The following PDE4D variants were observed in gnomAD, a reference collection of about 807,000 sequenced individuals.
PDE4D encodes the protein 3',5'-cyclic-AMP phosphodiesterase 4D.
PDE4D carries 24 observed loss-of-function variants against 87.4 expected under a neutral mutation model. The ratio of observed to expected loss-of-function variants is 0.27; its 90% CI spans 0.20 to 0.39. PDE4D has a LOEUF of 0.39. PDE4D is among the 10% of genes least tolerant of loss of function. The pLI, the probability that PDE4D is intolerant of heterozygous loss-of-function variation, is 1.00. For synonymous variants in PDE4D, 384 were observed against 383.2 expected (o/e 1.00, Z -0.02); for missense variants, 714 against 1,041.0 (o/e 0.69, Z 4.32).
intron 1 of PDE4D, among the ~76,000 whole-genome samples, chr5:59,653,580 G>C (rs1743880866): frequency 6.6e-6 from 1 of 152,124 alleles, no homozygotes; most frequent in African/African-American, 2.4e-5. Context: ...TAGGACTGGA[G>C]ATTCAGTGAC....
At chr5:59,624,746 T>A (rs1285236353) in intron 1 of PDE4D, among the ~76,000 whole-genome samples, 3 of 152,260 alleles carry the variant, frequency 2.0e-5, no homozygotes, top group African/African-American at 7.2e-5. Context: ...GGTAGAACTC[T>A]TAGCATTCCT....
chr5:60,027,828 T>C (rs1439568562), intron 2 of PDE4D, among the ~76,000 whole-genome samples: 1 of 152,236 alleles, frequency 6.6e-6, no homozygotes, highest in Non-Finnish European at 1.5e-5. Flanking sequence ...CTATCCATAT[T>C]TTTAAAGCAA....
At chr5:59,741,160 G>A (rs193067157) in intron 1 of PDE4D, among the ~76,000 whole-genome samples, 1 of 152,200 alleles carries the variant, frequency 6.6e-6, no homozygotes, top group East Asian at 1.9e-4. Context: ...AAAGACTACT[G>A]AACTACATCA....
At chr5:59,498,968 T>C (rs1443114134) in intron 1 of PDE4D, among the ~76,000 whole-genome samples, 1 of 152,124 alleles carries the variant, frequency 6.6e-6, no homozygotes, top group Admixed American at 6.5e-5. Context: ...CTACAGAATA[T>C]GCATTCTTCT....
At chr5:60,282,092 A>C (rs1246850709) in intron 1 of PDE4D, among the ~76,000 whole-genome samples, 1 of 151,840 alleles carries the variant, frequency 6.6e-6, no homozygotes. Context: ...ACATTACTCA[A>C]CATATAAAAC....
intron 1 of PDE4D, among the ~76,000 whole-genome samples, chr5:59,452,478 C>G (rs115354874): frequency 0.017 from 2,582 of 152,256 alleles, 44 homozygotes; most frequent in Non-Finnish European, 0.028. Context: ...CGCCCCTGGA[C>G]TAGAGCTAAA....
rs1207096418 is a variant in PDE4D at position 59,893,333 on chromosome 5, G to A, written c.290C>T (p.Ser97Leu). 5 of 1,489,440 alleles carry A rather than the reference G, an allele frequency of 3.4e-6. No homozygotes were observed. Among genetic ancestry groups the A allele is most frequent in the Non-Finnish European group, 3.6e-6 (4 of 1,116,190 alleles). The allele number at this position is 1,489,440 out of a possible 1,614,324, so 92.3% of individuals were successfully genotyped here. A position where few individuals can be genotyped will look rare whatever the true frequency, so the allele number is the denominator to read the frequency against. Residue 97 changes from serine (S) to leucine (L), a missense_variant, in exon 1 of 15, where the codon TCG becomes TTG. Physicochemically the swap from Ser to Leu is moderately radical, Grantham distance 145. Coordinates refer to ENST00000340635, the MANE Select transcript of PDE4D (RefSeq NM_001104631.2). Reference sequence around the variant, plus strand: ...CCGGACGCGGCCGGTGGCCCCGCTCGAGGCGTAGCGGCCGCGGGCAGCCCC... The same window carrying A: ...CCGGACGCGGCCGGTGGCCCCGCTCAAGGCGTAGCGGCCGCGGGCAGCCCC... ...PPGAARGRYASSGATGRVRHR... is the reference protein window; with the variant it reads ...PPGAARGRYALSGATGRVRHR...
At position 60,495,472 on chromosome 5, in the gene PDE4D, C is replaced by A. The variant is rs189477856; in HGVS notation, n.70+26579G>T. Among the ~76,000 whole-genome samples the A allele has an allele frequency of 2.5e-3, 384 of 152,278 alleles. 3 individuals carry two copies. The highest frequency in any genetic ancestry group is 3.3e-3 in the Admixed American group (50 of 15,302). Reference sequence around the variant, plus strand: ...TTCATTGCCCACACCCACCACCATGCGTCAATGTTTGTAAAGCCAGTGATC... The same window carrying A: ...TTCATTGCCCACACCCACCACCATGAGTCAATGTTTGTAAAGCCAGTGATC... On this transcript the variant is annotated intron_variant and non_coding_transcript_variant, in intron 1 of 2. Transcript: ENST00000506510.
intron 1 of PDE4D, among the ~76,000 whole-genome samples, chr5:59,484,907 T>C (rs1231448596): frequency 1.3e-5 from 2 of 152,170 alleles, no homozygotes; most frequent in Non-Finnish European, 2.9e-5. Context: ...CAACCACAAC[T>C]TGACAACCAG....
chr5:59,413,215 T>C (rs1177839516), intron 1 of PDE4D, among the ~76,000 whole-genome samples: 1 of 151,916 alleles, frequency 6.6e-6, no homozygotes, highest in Admixed American at 6.6e-5. Flanking sequence ...CCCAGCACTT[T>C]GGGAGGCCAA....
At chr5:59,711,157 C>T (rs1754142402) in intron 1 of PDE4D, among the ~76,000 whole-genome samples, 1 of 152,102 alleles carries the variant, frequency 6.6e-6, no homozygotes, top group Non-Finnish European at 1.5e-5. Flanking sequence ...GTTTCTTATT[C>T]ATGTCTTTTC....
chr5:60,048,445 A>G (rs1769608886), intron 2 of PDE4D, among the ~76,000 whole-genome samples: 1 of 150,936 alleles, frequency 6.6e-6, no homozygotes, highest in Non-Finnish European at 1.5e-5. Context: ...TAATCGATGC[A>G]GTTTCTTCCT....
At chr5:59,343,551 A>G (rs1387953354) in intron 1 of PDE4D, among the ~76,000 whole-genome samples, 1 of 152,228 alleles carries the variant, frequency 6.6e-6, no homozygotes, top group African/African-American at 2.4e-5. Flanking sequence ...TTAAGGCTTC[A>G]TAAGTCTAGC....
chr5:59,817,158 C>A (rs9292214), intron 1 of PDE4D, among the ~76,000 whole-genome samples: 251 of 152,276 alleles, frequency 1.6e-3, no homozygotes, highest in South Asian at 4.8e-3. Context: ...TCCCAGCTGA[C>A]GGAAACGTGA....
At chr5:59,725,204 G>A (rs891498682) in intron 1 of PDE4D, among the ~76,000 whole-genome samples, 2 of 151,964 alleles carry the variant, frequency 1.3e-5, no homozygotes, top group African/African-American at 4.8e-5. Context: ...CTCAGGCAGC[G>A]CTGCTCAGCC....
intron 1 of PDE4D, among the ~76,000 whole-genome samples, chr5:59,698,595 G>A (rs1752133522): frequency 6.6e-6 from 1 of 152,098 alleles, no homozygotes; most frequent in Non-Finnish European, 1.5e-5. Context: ...CCCACACATA[G>A]TGCTTAGAGA....
intron 2 of PDE4D, among the ~76,000 whole-genome samples, chr5:60,071,695 G>A (rs1258918569): frequency 6.6e-6 from 1 of 151,930 alleles, no homozygotes; most frequent in Admixed American, 6.6e-5. Flanking sequence ...TCACCCAGTT[G>A]CTAAGCCTAG....
chr5:59,632,292 G>C (rs1036271338), intron 1 of PDE4D, among the ~76,000 whole-genome samples: 10 of 152,214 alleles, frequency 6.6e-5, no homozygotes, highest in Non-Finnish European at 1.3e-4. Context: ...GAGCACCTGG[G>C]GGGAGGGGTG....
In PDE4D at chr5:59,714,967, G is replaced by A. The variant is rs73758866; in HGVS notation, c.455+178201C>T. ...TGTGACCACAGATGGTTTTGGCTGG[G>A]GCCTGTGGCAGAGCATGGAGTGCTT... On this transcript the variant is annotated intron_variant, in intron 1 of 14. Coordinates refer to ENST00000340635, the MANE Select transcript of PDE4D (RefSeq NM_001104631.2). Among the ~76,000 whole-genome samples, 944 of 152,298 alleles carry A rather than the reference G, an allele frequency of 6.2e-3. 6 individuals are homozygous for A. The highest frequency in any genetic ancestry group is 0.022 in the African/African-American group (912 of 41,570).
Sources: allele counts gnomAD v4.1 joint callset (sites outside exome capture counted in the v4.1 genomes callset), GRCh38; gene constraint gnomAD v4.1.1; transcripts MANE v1.5; gene names NCBI Gene and HGNC (gene_info 2026-07-23, HGNC 2026-07-21).